TMC1: variants seen among roughly 807,000 people sequenced by gnomAD.
TMC1 encodes the protein transmembrane channel-like protein 1.
TMC1 carries 84 observed loss-of-function variants against 105.8 expected under a neutral mutation model. That is an observed-to-expected ratio of 0.79 (90% CI 0.67 to 0.95). The LOEUF (loss-of-function observed/expected upper bound fraction) is 0.95. Ranked by LOEUF, TMC1 falls within the 40% of genes least tolerant of loss-of-function variation. The pLI is 0.00. For synonymous variants in TMC1, 315 were observed against 311.5 expected (o/e 1.01, Z -0.12); for missense variants, 817 against 914.1 (o/e 0.89, Z 1.37).
intron 18 of TMC1, among the ~76,000 whole-genome samples, chr9:72,813,381 A>G (rs952660658): frequency 6.6e-5 from 10 of 152,106 alleles, no homozygotes; most frequent in African/African-American, 1.2e-4. Context: ...TTAAAGTGAG[A>G]GCTTCTGTGT....
At chr9:72,805,899 G>C (rs894391861) in intron 18 of TMC1, among the ~76,000 whole-genome samples, 66 of 152,232 alleles carry the variant, frequency 4.3e-4, no homozygotes, top group African/African-American at 1.6e-3. Flanking sequence ...GGCAGAAGAA[G>C]TTTTCTTAGT....
At chr9:72,706,369 T>C (rs1826736974) in intron 8 of TMC1, among the ~76,000 whole-genome samples, 1 of 152,256 alleles carries the variant, frequency 6.6e-6, no homozygotes, top group South Asian at 2.1e-4. Context: ...CAAACCATTC[T>C]GGATTATTTT....
intron 4 of TMC1, among the ~76,000 whole-genome samples, chr9:72,640,946 A>T (rs1178451326): frequency 6.6e-6 from 1 of 151,708 alleles, no homozygotes; most frequent in African/African-American, 2.4e-5. Flanking sequence ...TTGAGATTTG[A>T]TTATGAATGA....
chr9:72,674,194 A>T (rs1051577962), intron 5 of TMC1, among the ~76,000 whole-genome samples: 1 of 152,326 alleles, frequency 6.6e-6, no homozygotes, highest in South Asian at 2.1e-4. Flanking sequence ...CACTGTGAAG[A>T]TATTAATTTT....
chr9:72,714,009 C>T (rs571124106), intron 8 of TMC1, among the ~76,000 whole-genome samples: 1 of 152,186 alleles, frequency 6.6e-6, no homozygotes, highest in East Asian at 1.9e-4. Flanking sequence ...TTATTTGTGC[C>T]TTAATTTCAT....
intron 23 of TMC1, among the ~76,000 whole-genome samples, chr9:72,831,597 C>T (rs1239165431): frequency 2.0e-5 from 3 of 152,024 alleles, no homozygotes; most frequent in Admixed American, 2.0e-4. Flanking sequence ...CTCCCCCCAC[C>T]GCACGACAGG....
chr9:72,706,150 C>T (rs182096674), intron 8 of TMC1, among the ~76,000 whole-genome samples: 3 of 152,300 alleles, frequency 2.0e-5, no homozygotes, highest in African/African-American at 7.2e-5. Flanking sequence ...TTGATTTCCT[C>T]TAATGGAGCT....
intron 8 of TMC1, 62 bp downstream of exon 8, chr9:72,700,705 G>C (rs1220840909): frequency 2.7e-6 from 2 of 749,574 alleles, no homozygotes; most frequent in East Asian, 6.6e-5. Context: ...TAAATCCTCT[G>C]AATATTCCAT....
intron 1 of TMC1, among the ~76,000 whole-genome samples, chr9:72,525,750 G>A (rs914272499): frequency 6.6e-6 from 1 of 152,232 alleles, no homozygotes. Flanking sequence ...CACTTTGGGA[G>A]GCCCAGGCGG....
At chr9:72,739,972 G>C in intron 8 of TMC1, 147 bp from the exon 9 acceptor site, 1 of 622,086 alleles carries the variant, frequency 1.6e-6, no homozygotes, top group Non-Finnish European at 2.8e-6. Flanking sequence ...AAAATTTCTA[G>C]GTTATGAAAT....
intron 1 of TMC1, among the ~76,000 whole-genome samples, chr9:72,557,400 T>C (rs1179737900): frequency 6.6e-6 from 1 of 152,040 alleles, no homozygotes; most frequent in Non-Finnish European, 1.5e-5. Context: ...CAGAAATGAC[T>C]CAAATGTTTA....
intron 5 of TMC1, among the ~76,000 whole-genome samples, chr9:72,679,696 A>G (rs947941559): frequency 1.3e-5 from 2 of 152,080 alleles, no homozygotes; most frequent in Non-Finnish European, 2.9e-5. Flanking sequence ...CTTCTTTACA[A>G]TGGCACTAAT....
rs572761040 is a variant in TMC1 at position 72,573,582 on chromosome 9, A to G, written c.-427-4320A>G. Among the ~76,000 whole-genome samples, 3 of 152,308 alleles carry G rather than the reference A, an allele frequency of 2.0e-5. No homozygotes were observed. In the South Asian group the frequency reaches 6.2e-4, roughly 32 times the overall value. ...CTTTAAACCATTAAGGGGGCAGGCA[A>G]TAGATTCCTGTACAGGGTGGCTTAG... is the stretch of plus-strand genomic sequence containing the variant. On this transcript the variant is annotated intron_variant, in intron 1 of 23. Transcript: ENST00000297784.
intron 2 of TMC1, among the ~76,000 whole-genome samples, chr9:72,590,629 G>T (rs1824623423): frequency 6.6e-6 from 1 of 152,172 alleles, no homozygotes; most frequent in Non-Finnish European, 1.5e-5. Context: ...TTCGTTGGGT[G>T]CCTCCTGTGT....
rs139587870 is a variant in TMC1, at chr9:72,579,398, C to T, written c.-306+1375C>T. ...CCCTGGGGCTCAACTTCGGGCCTGG[C>T]GCCAGAATCACCCAGGCTCCAAGCA... On this transcript the variant is annotated intron_variant, in intron 2 of 23. Coordinates refer to ENST00000297784, the MANE Select transcript of TMC1 (RefSeq NM_138691.3). Among the ~76,000 whole-genome samples, 34 of 152,258 alleles carry T rather than the reference C, an allele frequency of 2.2e-4. No individual in the cohort carries two copies. The East Asian group carries it at 4.4e-3, about 20-fold the overall frequency.
chr9:72,552,631 G>C (rs1481786397), intron 1 of TMC1, among the ~76,000 whole-genome samples: 1 of 152,148 alleles, frequency 6.6e-6, no homozygotes, highest in Non-Finnish European at 1.5e-5. Context: ...ATCAGATTAG[G>C]ATTAGCTAAA....
At chr9:72,570,230 AGTGTGTGTGTGTGTGT>A (rs3223165) in intron 1 of TMC1, among the ~76,000 whole-genome samples, 28,358 of 145,650 alleles carry the variant, frequency 0.19, 2,840 homozygotes, top group African/African-American at 0.25. Flanking sequence ...CTCAAAGAGT[AGTGTGTGTGTGTGTGT>A]GTGTGTGTGT....
Position 72,535,472 on chromosome 9 carries a change from CAG to C in TMC1, c.-428+13560_-428+13561del, listed in dbSNP as rs140257858. Among the ~76,000 whole-genome samples, 809 of 152,266 alleles carry C rather than the reference CAG, an allele frequency of 5.3e-3. 4 individuals carry two copies. The highest frequency in any genetic ancestry group is 0.018 in the African/African-American group (761 of 41,544). The stretch of plus-strand genomic sequence containing the variant: ...TTCTAATCCAACCTATAAACCATAT[CAG>C]GGGAGGATATGTGATTTGTCAATTT... On this transcript the variant is annotated intron_variant, in intron 1 of 23. Coordinates refer to ENST00000297784, the MANE Select transcript of TMC1 (RefSeq NM_138691.3).
At chr9:72,598,377 CTTCTCCTG>C (rs1244840383) in intron 2 of TMC1, among the ~76,000 whole-genome samples, 3 of 152,086 alleles carry the variant, frequency 2.0e-5, no homozygotes, top group Non-Finnish European at 4.4e-5. Flanking sequence ...GAATGATATC[CTTCTCCTG>C]TTCCTTGACC....
Sources: allele counts gnomAD v4.1 joint callset (sites outside exome capture counted in the v4.1 genomes callset), GRCh38; gene constraint gnomAD v4.1.1; transcripts MANE v1.5; gene names NCBI Gene and HGNC (gene_info 2026-07-23, HGNC 2026-07-21).